CHCHD6: variants seen among roughly 807,000 people sequenced by gnomAD.
The protein encoded by CHCHD6 is coiled-coil-helix-coiled-coil-helix domain containing 6.
A neutral mutation model predicts 32.3 loss-of-function variants in CHCHD6; 28 were observed. The ratio of observed to expected loss-of-function variants is 0.87; its 90% CI spans 0.64 to 1.19. CHCHD6 has a LOEUF of 1.19. CHCHD6 is among the 50% of genes most tolerant of loss of function. The pLI is 0.00. For missense variants in CHCHD6, 333 were observed against 307.0 expected (o/e 1.08, Z -0.63); for synonymous variants, 122 against 117.5 (o/e 1.04, Z -0.25).
rs539764064 is a variant in CHCHD6, at chr3:126,790,048, T to C, written c.411+56826T>C. Among the ~76,000 whole-genome samples the C allele has an allele frequency of 8.2e-4, 125 of 152,262 alleles. 1 individual carries two copies. Among genetic ancestry groups the C allele is most frequent in the African/African-American group, 3.0e-3 (125 of 41,536 alleles). On this transcript the variant is annotated intron_variant, in intron 4 of 7. Transcript: ENST00000290913. ...GTGACAAAATCTCTCAGCATTTGCT[T>C]GTCTGTAAAGGATTTTATTTCTCTT...
At chr3:126,822,120 A>G (rs1940179572) in intron 4 of CHCHD6, among the ~76,000 whole-genome samples, 1 of 152,206 alleles carries the variant, frequency 6.6e-6, no homozygotes, top group African/African-American at 2.4e-5. Context: ...TAAAACACGT[A>G]TCTATAAAAA....
intron 6 of CHCHD6, among the ~76,000 whole-genome samples, chr3:126,936,216 G>A (rs535151917): frequency 4.6e-5 from 7 of 152,292 alleles, no homozygotes; most frequent in Non-Finnish European, 7.4e-5. Context: ...TGGGACAAGT[G>A]GCTCAACTGT....
chr3:126,807,916 T>C (rs991097831), intron 4 of CHCHD6, among the ~76,000 whole-genome samples: 28 of 152,314 alleles, frequency 1.8e-4, no homozygotes, highest in African/African-American at 6.3e-4. Context: ...AGAGCAGCCA[T>C]AGTCAATATG....
At chr3:126,825,412 C>G (rs1024148386) in intron 4 of CHCHD6, among the ~76,000 whole-genome samples, 1 of 152,056 alleles carries the variant, frequency 6.6e-6, no homozygotes, top group Admixed American at 6.6e-5. Context: ...TTGTAGTGTT[C>G]TGTATATGTC....
chr3:126,891,008 G>A (rs73207604), intron 5 of CHCHD6, among the ~76,000 whole-genome samples: 3,862 of 152,314 alleles, frequency 0.025, 61 homozygotes, highest in Middle Eastern at 0.061. Context: ...GCCAGAGGGT[G>A]GATTGGGATG....
At chr3:126,802,155 G>A (rs1939111618) in intron 4 of CHCHD6, among the ~76,000 whole-genome samples, 2 of 152,222 alleles carry the variant, frequency 1.3e-5, no homozygotes, top group Admixed American at 1.3e-4. Flanking sequence ...AAAGCAGAGT[G>A]CCTCTCCTCC....
intron 4 of CHCHD6, among the ~76,000 whole-genome samples, chr3:126,838,566 G>A (rs1447860315): frequency 6.6e-6 from 1 of 152,192 alleles, no homozygotes; most frequent in African/African-American, 2.4e-5. Context: ...TCTGAATTGT[G>A]CCAACCTCAT....
intron 6 of CHCHD6, chr3:126,953,077 T>C: frequency 2.0e-6 from 2 of 985,546 alleles, no homozygotes; most frequent in Non-Finnish European, 2.4e-6. Context: ...GGGCATCACC[T>C]GCCATTCTCC....
At chr3:126,955,195 C>A (rs777171257) in intron 6 of CHCHD6, among the ~76,000 whole-genome samples, 2 of 152,252 alleles carry the variant, frequency 1.3e-5, no homozygotes, top group African/African-American at 4.8e-5. Flanking sequence ...GATGTGGAGC[C>A]GTGCTTAAGC....
At chr3:126,808,018 A>G (rs1471663889) in intron 4 of CHCHD6, among the ~76,000 whole-genome samples, 1 of 152,234 alleles carries the variant, frequency 6.6e-6, no homozygotes, top group African/African-American at 2.4e-5. Context: ...TTAAAACAAC[A>G]ACATTTATGT....
intron 6 of CHCHD6, among the ~76,000 whole-genome samples, chr3:126,936,066 G>A (rs115137208): frequency 1.9e-4 from 29 of 152,306 alleles, no homozygotes; most frequent in African/African-American, 6.0e-4. Flanking sequence ...ATTATACAGG[G>A]CATCCCCAAA....
intron 2 of CHCHD6, among the ~76,000 whole-genome samples, chr3:126,729,916 G>T (rs558765369): frequency 6.6e-6 from 1 of 152,244 alleles, no homozygotes; most frequent in Non-Finnish European, 1.5e-5. Context: ...CTGGGGACAG[G>T]GTAGTAACAA....
At chr3:126,739,338 A>G (rs540230330) in intron 4 of CHCHD6, among the ~76,000 whole-genome samples, 1 of 145,504 alleles carries the variant, frequency 6.9e-6, no homozygotes, top group Admixed American at 7.1e-5. Flanking sequence ...TCTTTGCCAC[A>G]TATTCTTTGT....
chr3:126,741,008 A>G (rs1308818743), intron 4 of CHCHD6, among the ~76,000 whole-genome samples: 2 of 152,226 alleles, frequency 1.3e-5, no homozygotes, highest in East Asian at 1.9e-4. Context: ...CCCTCTGTTC[A>G]TCACTGCTGC....
intron 4 of CHCHD6, among the ~76,000 whole-genome samples, chr3:126,805,864 A>G (rs911575668): frequency 6.6e-5 from 10 of 152,234 alleles, no homozygotes; most frequent in African/African-American, 2.2e-4. Context: ...ATATAGATCA[A>G]TGGAACAGAA....
chr3:126,840,493 G>A (rs1179287545), intron 4 of CHCHD6, among the ~76,000 whole-genome samples: 1 of 152,180 alleles, frequency 6.6e-6, no homozygotes, highest in Non-Finnish European at 1.5e-5. Flanking sequence ...CAGGTGTAAT[G>A]AAGGAAGATA....
chr3:126,932,792 C>T (rs938579361), intron 6 of CHCHD6, among the ~76,000 whole-genome samples: 1 of 152,224 alleles, frequency 6.6e-6, no homozygotes, highest in Admixed American at 6.5e-5. Context: ...ACTCAGTGCA[C>T]GGGCGCAAGA....
intron 1 of CHCHD6, among the ~76,000 whole-genome samples, chr3:126,714,752 C>T (rs1452127073): frequency 1.3e-5 from 2 of 152,162 alleles, no homozygotes; most frequent in African/African-American, 2.4e-5. Flanking sequence ...CCTAGGAAAA[C>T]ACTGCGTTGA....
chr3:126,823,009 A>G (rs896551462), intron 4 of CHCHD6, among the ~76,000 whole-genome samples: 3 of 151,958 alleles, frequency 2.0e-5, no homozygotes, highest in African/African-American at 7.3e-5. Context: ...AGGCTTAGGC[A>G]GTCCTCCCAC....
Sources: gnomAD v4.1 joint callset for allele counts (sites outside exome capture counted in the v4.1 genomes callset) on GRCh38, gnomAD v4.1.1 for gene constraint, MANE v1.5 for transcripts, NCBI Gene and HGNC (gene_info 2026-07-23, HGNC 2026-07-21) for gene names.